The following TENM1 variants were observed in gnomAD, a reference collection of about 807,000 sequenced individuals.
TENM1 encodes teneurin transmembrane protein 1, also known as teneurin-1.
TENM1 carries 35 observed loss-of-function variants against 174.8 expected under a neutral mutation model. That is an observed-to-expected ratio of 0.20 (90% CI 0.15 to 0.27). The LOEUF (loss-of-function observed/expected upper bound fraction) is 0.27, where lower values mean the gene tolerates loss of function less well. Among genes scored for constraint, TENM1 ranks in the 10% least tolerant of loss-of-function variants. The pLI, the probability that TENM1 is intolerant of heterozygous loss-of-function variation, is 1.00. For synonymous variants in TENM1, 781 were observed against 798.7 expected (o/e 0.98, Z 0.37); for missense variants, 1,633 against 2,130.1 (o/e 0.77, Z 4.59).
chrX:124,999,772 G>GA, the TENM1 span, among the ~76,000 whole-genome samples: 131 of 109,870 alleles, frequency 1.2e-3, no homozygotes, highest in African/African-American at 4.2e-3. Context: ...GCAATTTAAG[G>GA]AAAGAAAAGA....
At chrX:124,442,552 A>T (rs2060914475) in intron 23 of TENM1, among the ~76,000 whole-genome samples, 1 of 112,199 alleles carries the variant, frequency 8.9e-6, no homozygotes, top group African/African-American at 3.2e-5. Flanking sequence ...ATCACTCAGG[A>T]TGATGAAGGA....
At chrX:125,053,633 A>AT in the TENM1 span, among the ~76,000 whole-genome samples, 11 of 111,460 alleles carry the variant, frequency 9.9e-5, no homozygotes, top group African/African-American at 3.3e-4. Context: ...AGTAGCTTTT[A>AT]TTTTGCCTGC....
chrX:124,448,016 C>T (rs2060984226), intron 23 of TENM1, among the ~76,000 whole-genome samples: 1 of 111,589 alleles, frequency 9.0e-6, no homozygotes, highest in African/African-American at 3.3e-5. Context: ...CTGAACCCAT[C>T]ATCCAACCAT....
chrX:124,980,627 T>C, the TENM1 span, among the ~76,000 whole-genome samples: 1 of 111,545 alleles, frequency 9.0e-6, no homozygotes, highest in Non-Finnish European at 1.9e-5. Flanking sequence ...AATTATGTAT[T>C]TAATAATGAA....
At chrX:124,779,312 G>C (rs1471348132) in intron 3 of TENM1, among the ~76,000 whole-genome samples, 1 of 111,844 alleles carries the variant, frequency 8.9e-6, no homozygotes, top group Non-Finnish European at 1.9e-5. Context: ...CAGAGGGGTA[G>C]TTCAGTAGGC....
At chrX:124,915,348 AACCCTGTCTCT>A (rs1399555945) in intron 1 of TENM1, among the ~76,000 whole-genome samples, 4 of 111,758 alleles carry the variant, frequency 3.6e-5, no homozygotes, top group Non-Finnish European at 7.5e-5. Context: ...AACATGGTGA[AACCCTGTCTCT>A]ACTAAAGTTA....
chrX:124,586,447 T>C (rs1941597895), intron 11 of TENM1, among the ~76,000 whole-genome samples: 1 of 110,147 alleles, frequency 9.1e-6, no homozygotes, highest in African/African-American at 3.3e-5. Context: ...CACATGATTA[T>C]CTCAATAGAT....
intron 11 of TENM1, among the ~76,000 whole-genome samples, chrX:124,577,974 G>A (rs3830097): frequency 0.064 from 6,806 of 106,909 alleles, 529 homozygotes; most frequent in East Asian, 0.55. Flanking sequence ...TGCCCAGGCT[G>A]GAGTGCAGTG....
intron 5 of TENM1, among the ~76,000 whole-genome samples, chrX:124,685,319 C>T (rs2052334702): frequency 9.1e-6 from 1 of 110,459 alleles, no homozygotes; most frequent in Non-Finnish European, 1.9e-5. Flanking sequence ...AATCAGAAAA[C>T]AGCACGTAAG....
the TENM1 span, among the ~76,000 whole-genome samples, chrX:124,997,373 G>A: frequency 9.0e-6 from 1 of 111,061 alleles, no homozygotes; most frequent in East Asian, 2.8e-4. Context: ...GGGGCAACTG[G>A]ATGCTCAACT....
chrX:124,967,097 G>A (rs2058736549), upstream of TENM1, among the ~76,000 whole-genome samples: 3 of 111,916 alleles, frequency 2.7e-5, no homozygotes, highest in South Asian at 1.1e-3. Flanking sequence ...CACTAAAGAT[G>A]AAGATATTGG....
chrX:125,089,827 C>T, the TENM1 span, among the ~76,000 whole-genome samples: 190 of 111,290 alleles, frequency 1.7e-3, 1 homozygote, highest in East Asian at 7.5e-3. Context: ...TTTGGGAAGG[C>T]ACTTCTGGGG....
At chrX:125,016,218 C>T in the TENM1 span, among the ~76,000 whole-genome samples, 8,570 of 110,557 alleles carry the variant, frequency 0.078, 282 homozygotes, top group South Asian at 0.2. Context: ...GCCAGGGCAA[C>T]CAGGCAAGAG....
intron 23 of TENM1, among the ~76,000 whole-genome samples, chrX:124,442,894 G>C (rs1021732967): frequency 9.9e-5 from 11 of 110,558 alleles, no homozygotes; most frequent in African/African-American, 3.6e-4. Context: ...AACTCCTGAG[G>C]CTCAAGTGAT....
intron 3 of TENM1, among the ~76,000 whole-genome samples, chrX:124,751,097 A>G (rs1020801143): frequency 1.8e-5 from 2 of 111,931 alleles, no homozygotes; most frequent in African/African-American, 6.5e-5. Flanking sequence ...GATGCTGAAA[A>G]TATCAGAAGA....
chrX:124,785,982 A>T lies in TENM1; in HGVS notation c.536-48785T>A, dbSNP rs754651784. 2.1e-3 allele frequency among the ~76,000 whole-genome samples: 240 copies of T among 111,911 alleles called. 2 individuals carry two copies. Among genetic ancestry groups the T allele is most frequent in the Admixed American group, 5.4e-3 (57 of 10,515 alleles). ...CTCAAGTAGCGTTTATATAGGGCCCATGTATTTACTATTAGTATAATAGGT... is the reference window on the plus strand; with the variant it reads ...CTCAAGTAGCGTTTATATAGGGCCCTTGTATTTACTATTAGTATAATAGGT... On this transcript the variant is annotated intron_variant, in intron 3 of 31. Transcript: ENST00000422452.
At chrX:124,530,291 T>C (rs2048075983) in intron 15 of TENM1, among the ~76,000 whole-genome samples, 3 of 110,790 alleles carry the variant, frequency 2.7e-5, no homozygotes, top group African/African-American at 6.6e-5. Context: ...CTTAAATTAG[T>C]ATCCTATAAC....
At chrX:124,963,048 G>C (rs1046634469) in intron 1 of TENM1, among the ~76,000 whole-genome samples, 2 of 111,408 alleles carry the variant, frequency 1.8e-5, no homozygotes, top group Admixed American at 1.9e-4. Flanking sequence ...TTGTAGGAAG[G>C]GTTCTAAAAA....
chrX:124,908,069 G>A (rs2057777247), intron 1 of TENM1, among the ~76,000 whole-genome samples: 2 of 111,861 alleles, frequency 1.8e-5, no homozygotes, highest in African/African-American at 6.5e-5. Flanking sequence ...TAGTCCTGGG[G>A]CAGAAATGAA....
Sources: allele counts gnomAD v4.1 joint callset (sites outside exome capture counted in the v4.1 genomes callset), GRCh38; gene constraint gnomAD v4.1.1; transcripts MANE v1.5; gene names NCBI Gene and HGNC (gene_info 2026-07-23, HGNC 2026-07-21).